ULK4: variants seen among roughly 807,000 people sequenced by gnomAD.
The protein encoded by ULK4 is unc-51 like kinase 4, also known as inactive serine/threonine-protein kinase ULK4.
In ULK4, 133 loss-of-function variants were observed where a neutral mutation model predicts 160.6. That is an observed-to-expected ratio of 0.83 (90% CI 0.72 to 0.96). The LOEUF (loss-of-function observed/expected upper bound fraction) is 0.96. ULK4 is among the 40% of genes least tolerant of loss of function. The pLI, the probability that ULK4 is intolerant of heterozygous loss-of-function variation, is 0.00. For synonymous variants in ULK4, 534 were observed against 539.8 expected, an observed-to-expected ratio of 0.99 and a Z score of 0.15; for missense variants, 1,580 against 1,499.5, an observed-to-expected ratio of 1.05 and a Z score of -0.89.
intron 34 of ULK4, among the ~76,000 whole-genome samples, chr3:41,442,541 G>T (rs1346804030): frequency 6.6e-6 from 1 of 152,122 alleles, no homozygotes; most frequent in Non-Finnish European, 1.5e-5. Context: ...TCTTAATAAT[G>T]AATGGAGAAA....
Position 41,931,670 on chromosome 3 carries a change from T to C in ULK4, c.541+174A>G, listed in dbSNP as rs1159960723. ...CCTTACAGAGTAGATCCACATTGAA[T>C]ACTTTAGGCCATGGACAAAGCCATT... is the stretch of plus-strand genomic sequence containing the variant. On this transcript the variant is annotated intron_variant, in intron 5 of 36. Transcript: ENST00000301831. 12 of 724,752 alleles carry C rather than the reference T, an allele frequency of 1.7e-5. No homozygotes were observed. In the East Asian group the frequency reaches 2.6e-4, roughly 15 times the overall value. The allele number at this position is 724,752 out of a possible 1,614,324, so 44.9% of individuals were successfully genotyped here.
chr3:41,705,053 TG>T lies in ULK4; in HGVS notation c.2781+3del. On this transcript the variant is annotated splice_donor_region_variant and intron_variant, in intron 27 of 36. Transcript: ENST00000301831. ...AGCTTTTTTCAAAAGCTGCCAGAACTGACCGTGGAGCGATAGTCTTTCAATA... is the reference window on the plus strand; with the variant it reads ...AGCTTTTTTCAAAAGCTGCCAGAACTACCGTGGAGCGATAGTCTTTCAATA... 1.2e-6 allele frequency: 2 copies of T among 1,605,602 alleles called. No homozygotes were observed. The highest frequency in any genetic ancestry group is 8.5e-7 in the Non-Finnish European group (1 of 1,177,422).
intron 30 of ULK4, among the ~76,000 whole-genome samples, chr3:41,656,002 C>T (rs1251357296): frequency 1.3e-5 from 2 of 152,254 alleles, no homozygotes; most frequent in African/African-American, 2.4e-5. Flanking sequence ...CTTGCACAAC[C>T]GCTTTCCAAA....
intron 31 of ULK4, among the ~76,000 whole-genome samples, chr3:41,613,233 C>T (rs924035920): frequency 3.9e-5 from 6 of 152,104 alleles, no homozygotes; most frequent in African/African-American, 1.4e-4. Context: ...CTCTAAGATG[C>T]ACCATTATTT....
chr3:41,801,606 T>C (rs925368636), intron 19 of ULK4, among the ~76,000 whole-genome samples: 4 of 151,552 alleles, frequency 2.6e-5, no homozygotes, highest in African/African-American at 4.8e-5. Flanking sequence ...TCCCAGTGCT[T>C]TGGGAGGCCA....
Position 41,736,832 on chromosome 3 carries a change from C to T in ULK4, c.2321+17529G>A, listed in dbSNP as rs557530442. On this transcript the variant is annotated intron_variant, in intron 22 of 36. Transcript: ENST00000301831. ...AGGGTTTTTATGGTTTTAGGTCTAA[C>T]GTTTAAGTCTTTAATCCATCTTGAA... Among the ~76,000 whole-genome samples the T allele has an allele frequency of 1.2e-3, 176 of 151,380 alleles. 3 individuals carry two copies. Among genetic ancestry groups the T allele is most frequent in the African/African-American group, 4.1e-3 (169 of 40,922 alleles).
At chr3:41,253,383 A>G (rs1324413691) in intron 35 of ULK4, among the ~76,000 whole-genome samples, 1 of 152,090 alleles carries the variant, frequency 6.6e-6, no homozygotes, top group Admixed American at 6.5e-5. Context: ...GGGGGAGAGC[A>G]AAGGAACCTA....
intron 18 of ULK4, among the ~76,000 whole-genome samples, chr3:41,824,627 T>C (rs2041277335): frequency 6.6e-6 from 1 of 152,118 alleles, no homozygotes; most frequent in Non-Finnish European, 1.5e-5. Context: ...GAGGGGTGCC[T>C]ACCATTGCCG....
At chr3:41,646,090 G>A (rs1274307935) in intron 30 of ULK4, among the ~76,000 whole-genome samples, 2 of 152,156 alleles carry the variant, frequency 1.3e-5, no homozygotes, top group East Asian at 1.9e-4. Flanking sequence ...GTGTGTCTCT[G>A]CACATGAGAT....
intron 35 of ULK4, among the ~76,000 whole-genome samples, chr3:41,353,696 CAAT>C (rs2080960642): frequency 2.0e-5 from 2 of 101,854 alleles, no homozygotes; most frequent in Non-Finnish European, 3.7e-5. Context: ...ATAATAATTA[CAAT>C]TACTACTACT....
At chr3:41,789,951 C>A (rs1370540604) in intron 20 of ULK4, 108 bp from the exon 21 acceptor site, 2 of 1,012,078 alleles carry the variant, frequency 2.0e-6, no homozygotes. Flanking sequence ...GCTTACTTGG[C>A]TCTTTTATTA....
intron 32 of ULK4, among the ~76,000 whole-genome samples, chr3:41,531,135 A>T (rs2086294673): frequency 6.7e-6 from 1 of 150,022 alleles, no homozygotes; most frequent in South Asian, 2.2e-4. Flanking sequence ...TATGATACAC[A>T]GTAGTAAAGA....
chr3:41,569,233 A>G (rs1457641687), intron 31 of ULK4, among the ~76,000 whole-genome samples: 3 of 152,180 alleles, frequency 2.0e-5, no homozygotes, highest in African/African-American at 7.2e-5. Flanking sequence ...ATCACTGGCC[A>G]TGAGTGATCA....
chr3:41,484,722 G>A (rs909774442), intron 32 of ULK4, among the ~76,000 whole-genome samples: 1 of 152,088 alleles, frequency 6.6e-6, no homozygotes, highest in Admixed American at 6.5e-5. Flanking sequence ...AAAGTGCTGG[G>A]ATTACAGGCG....
intron 35 of ULK4, among the ~76,000 whole-genome samples, chr3:41,289,871 GTA>G (rs754363703): frequency 4.6e-5 from 7 of 151,944 alleles, no homozygotes; most frequent in African/African-American, 1.2e-4. Context: ...ATGTATGTAT[GTA>G]TGTGTGTGTG....
intron 17 of ULK4, among the ~76,000 whole-genome samples, chr3:41,865,409 C>T (rs2042594500): frequency 1.3e-5 from 2 of 150,454 alleles, no homozygotes; most frequent in Admixed American, 6.6e-5. Flanking sequence ...TCACTAATAA[C>T]CCTATCTTAC....
intron 35 of ULK4, among the ~76,000 whole-genome samples, chr3:41,281,205 C>G (rs1236415258): frequency 1.3e-5 from 2 of 152,138 alleles, no homozygotes; most frequent in Non-Finnish European, 2.9e-5. Flanking sequence ...GGATTCATAC[C>G]AGAATTCTAC....
intron 30 of ULK4, among the ~76,000 whole-genome samples, chr3:41,633,723 T>TGAGG (rs2033840011): frequency 6.6e-6 from 1 of 152,020 alleles, no homozygotes. Flanking sequence ...AAAGCAATGA[T>TGAGG]GAGGGGTATT....
At position 41,823,053 on chromosome 3, in the gene ULK4, A is replaced by C. The variant is rs919545423; in HGVS notation, c.1765-3547T>G. ...TTTTTTTTAAAGAAGTAAACAAAGT[A>C]AGTCAGTCAAGATAATGATGAGTGC... On this transcript the variant is annotated intron_variant, in intron 18 of 36. Coordinates refer to ENST00000301831, the MANE Select transcript of ULK4 (RefSeq NM_017886.4). 4.0e-5 allele frequency among the ~76,000 whole-genome samples: 6 copies of C among 151,832 alleles called. No individual in the cohort carries two copies. The East Asian group carries it at 9.7e-4, about 24-fold the overall frequency.
Sources: allele counts gnomAD v4.1 joint callset (sites outside exome capture counted in the v4.1 genomes callset), GRCh38; gene constraint gnomAD v4.1.1; transcripts MANE v1.5; gene names NCBI Gene and HGNC (gene_info 2026-07-23, HGNC 2026-07-21).